The following EBF1 variants were observed in gnomAD, a reference collection of about 807,000 sequenced individuals.
EBF1 encodes the protein transcription factor COE1.
EBF1 carries 10 observed loss-of-function variants against 68.4 expected under a neutral mutation model. The observed-to-expected ratio is 0.15, with a 90% CI of 0.09 to 0.25. The LOEUF is 0.25. Among genes scored for constraint, EBF1 ranks in the 10% least tolerant of loss-of-function variants. EBF1 has a pLI of 1.00. For synonymous variants in EBF1, 298 were observed against 299.8 expected (o/e 0.99, Z 0.06); for missense variants, 509 against 794.4 (o/e 0.64, Z 4.32).
At chr5:158,784,519 G>A (rs1454388056) in intron 9 of EBF1, among the ~76,000 whole-genome samples, 3 of 152,078 alleles carry the variant, frequency 2.0e-5, no homozygotes, top group African/African-American at 7.2e-5. Flanking sequence ...GCAATTCCAA[G>A]ATAAGCCTTT....
In EBF1 at chr5:158,737,319, C is replaced by T. The variant is rs1177207368; in HGVS notation, c.1037-6162G>A. Reference sequence around the variant, plus strand: ...TTTTTTTTGAGACGGAGTCTCGCTCCGTCGCCCAGGGTGGAGTGCAGTGGC... The same window carrying T: ...TTTTTTTTGAGACGGAGTCTCGCTCTGTCGCCCAGGGTGGAGTGCAGTGGC... On this transcript the variant is annotated intron_variant, in intron 10 of 15. Coordinates refer to ENST00000313708, the MANE Select transcript of EBF1 (RefSeq NM_024007.5). Among the ~76,000 whole-genome samples, 4 of 121,092 alleles carry T rather than the reference C, an allele frequency of 3.3e-5. No homozygotes were observed. The Admixed American group carries it at 3.4e-4, about 10-fold the overall frequency. The allele number at this position is 121,092 out of a possible 152,430, so 79.4% of individuals were successfully genotyped here.
chr5:158,960,697 G>T (rs891965846), intron 6 of EBF1, among the ~76,000 whole-genome samples: 3 of 152,138 alleles, frequency 2.0e-5, no homozygotes, highest in African/African-American at 7.2e-5. Flanking sequence ...ACAAATAGAA[G>T]AAGACAAAAA....
At chr5:159,072,269 T>C (rs1297956635) in intron 6 of EBF1, among the ~76,000 whole-genome samples, 1 of 152,244 alleles carries the variant, frequency 6.6e-6, no homozygotes, top group Non-Finnish European at 1.5e-5. Flanking sequence ...ATTGGGTTTA[T>C]GCCTGAAGAC....
At chr5:159,092,173 T>C (rs1781761949) in intron 4 of EBF1, among the ~76,000 whole-genome samples, 1 of 152,198 alleles carries the variant, frequency 6.6e-6, no homozygotes, top group Admixed American at 6.5e-5. Context: ...CTGCAGTAGA[T>C]ATTGTTTCTG....
intron 6 of EBF1, among the ~76,000 whole-genome samples, chr5:158,991,643 A>G (rs1760352929): frequency 6.6e-6 from 1 of 152,272 alleles, no homozygotes; most frequent in African/African-American, 2.4e-5. Flanking sequence ...TCATCTTAAA[A>G]GTATTTATGC....
At chr5:158,931,110 A>T (rs1425792856) in intron 6 of EBF1, among the ~76,000 whole-genome samples, 1 of 152,210 alleles carries the variant, frequency 6.6e-6, no homozygotes, top group Non-Finnish European at 1.5e-5. Flanking sequence ...GTCCAGTCCC[A>T]TATCTCACCT....
chr5:158,938,346 C>T (rs926181630), intron 6 of EBF1, among the ~76,000 whole-genome samples: 1 of 152,208 alleles, frequency 6.6e-6, no homozygotes, highest in African/African-American at 2.4e-5. Context: ...CCCCCCTCCT[C>T]CCCTCCTCTG....
intron 6 of EBF1, chr5:158,941,087 G>C: frequency 5.0e-6 from 2 of 398,286 alleles, no homozygotes; most frequent in South Asian, 3.7e-5. Flanking sequence ...ATCATCTGTT[G>C]CTGACTACCA....
chr5:158,928,219 T>A (rs116240431), intron 6 of EBF1, among the ~76,000 whole-genome samples: 2,043 of 152,270 alleles, frequency 0.013, 19 homozygotes, highest in Non-Finnish European at 0.021. Flanking sequence ...GGGATGACAA[T>A]AGGACCTGCT....
chr5:158,800,216 G>GA (rs1348271046), intron 8 of EBF1, among the ~76,000 whole-genome samples: 4 of 152,026 alleles, frequency 2.6e-5, no homozygotes, highest in Admixed American at 1.3e-4. Flanking sequence ...GTTAGCAGGT[G>GA]AAAAAAACAA....
intron 5 of EBF1, among the ~76,000 whole-genome samples, chr5:159,078,246 A>T (rs1779143485): frequency 1.3e-5 from 2 of 152,078 alleles, no homozygotes; most frequent in Non-Finnish European, 2.9e-5. Context: ...AGAACTGCCC[A>T]TAGTTCTTTC....
chr5:159,064,562 A>G (rs915406360), intron 6 of EBF1, among the ~76,000 whole-genome samples: 8 of 152,168 alleles, frequency 5.3e-5, no homozygotes, highest in Admixed American at 2.6e-4. Flanking sequence ...ATTTAGGTGT[A>G]AGCTACTATT....
Position 158,984,160 on chromosome 5 carries a change from T to C in EBF1, c.554+89236A>G, listed in dbSNP as rs553364945. On this transcript the variant is annotated intron_variant, in intron 6 of 15. Transcript: ENST00000313708. ...TTCCAGCTCCTCTAAATTCAACTTATTGCTTTAGCTGAGAGCACTACCTAC... is the reference window on the plus strand; with the variant it reads ...TTCCAGCTCCTCTAAATTCAACTTACTGCTTTAGCTGAGAGCACTACCTAC... Among the ~76,000 whole-genome samples, 6 of 152,260 alleles carry C rather than the reference T, an allele frequency of 3.9e-5. No homozygotes were observed. The East Asian group carries it at 7.7e-4, about 20-fold the overall frequency.
At chr5:158,720,826 G>A (rs1036983834) in intron 11 of EBF1, among the ~76,000 whole-genome samples, 5 of 152,144 alleles carry the variant, frequency 3.3e-5, no homozygotes, top group Non-Finnish European at 7.4e-5. Context: ...GTAGCAAGTA[G>A]TTATTTGCAG....
At chr5:159,091,141 C>T (rs576886471) in intron 4 of EBF1, among the ~76,000 whole-genome samples, 2 of 152,274 alleles carry the variant, frequency 1.3e-5, no homozygotes, top group South Asian at 2.1e-4. Context: ...CTAATATGTT[C>T]GTTTTTAATG....
At chr5:158,962,785 C>T (rs1753288300) in intron 6 of EBF1, among the ~76,000 whole-genome samples, 1 of 152,188 alleles carries the variant, frequency 6.6e-6, no homozygotes, top group African/African-American at 2.4e-5. Flanking sequence ...TTCGAGCCAT[C>T]TCTGCAGCCT....
At chr5:158,852,043 G>GA (rs1562118915) in intron 6 of EBF1, among the ~76,000 whole-genome samples, 1 of 65,162 alleles carries the variant, frequency 1.5e-5, no homozygotes, top group Non-Finnish European at 3.2e-5. Flanking sequence ...GGGTGGGGAG[G>GA]GGAGGAGAGG....
At chr5:158,808,716 A>T (rs1168414073) in intron 8 of EBF1, among the ~76,000 whole-genome samples, 3 of 152,200 alleles carry the variant, frequency 2.0e-5, no homozygotes, top group African/African-American at 7.2e-5. Flanking sequence ...TGAGATGATG[A>T]CGAAGAGGAG....
chr5:158,721,320 G>T (rs1298610234), intron 11 of EBF1, among the ~76,000 whole-genome samples: 2 of 152,136 alleles, frequency 1.3e-5, no homozygotes, highest in Non-Finnish European at 2.9e-5. Context: ...AAACTAGGTT[G>T]TAAGCTAACG....
Sources: allele counts gnomAD v4.1 joint callset (sites outside exome capture counted in the v4.1 genomes callset), GRCh38; gene constraint gnomAD v4.1.1; transcripts MANE v1.5; gene names NCBI Gene and HGNC (gene_info 2026-07-23, HGNC 2026-07-21).